The following CPEB3 variants were observed in gnomAD, a reference collection of about 807,000 sequenced individuals.
The protein encoded by CPEB3 is cytoplasmic polyadenylation element binding protein 3, also known as cytoplasmic polyadenylation element-binding protein 3.
In CPEB3, 20 loss-of-function variants were observed where a neutral mutation model predicts 67.2. The observed-to-expected ratio is 0.30, with a 90% CI of 0.21 to 0.43. CPEB3 has a LOEUF of 0.43. Ranked by LOEUF, CPEB3 falls within the 20% of genes least tolerant of loss-of-function variation. CPEB3 has a pLI of 1.00. For missense variants in CPEB3, 746 were observed against 968.6 expected, an observed-to-expected ratio of 0.77 and a Z score of 3.05; for synonymous variants, 376 against 393.1, an observed-to-expected ratio of 0.96 and a Z score of 0.51.
chr10:92,078,652 G>C (rs1052927121), intron 9 of CPEB3, among the ~76,000 whole-genome samples: 1 of 152,172 alleles, frequency 6.6e-6, no homozygotes, highest in Non-Finnish European at 1.5e-5. Flanking sequence ...ATTATAGCAA[G>C]CAGAAAAGTC....
chr10:92,269,589 G>A (rs1419072868), intron 1 of CPEB3, among the ~76,000 whole-genome samples: 1 of 151,990 alleles, frequency 6.6e-6, no homozygotes, highest in Non-Finnish European at 1.5e-5. Flanking sequence ...ATGGAGTCTC[G>A]TTCTGTCACC....
chr10:92,097,595 T>C (rs978229776), intron 7 of CPEB3, among the ~76,000 whole-genome samples: 2 of 152,154 alleles, frequency 1.3e-5, no homozygotes, highest in African/African-American at 2.4e-5. Context: ...CAGTGCTGAG[T>C]GGTATAAATA....
At chr10:92,152,974 C>A (rs1424087311) in intron 4 of CPEB3, among the ~76,000 whole-genome samples, 1 of 152,126 alleles carries the variant, frequency 6.6e-6, no homozygotes, top group East Asian at 1.9e-4. Flanking sequence ...TTTCTTTTGG[C>A]CCCTCCCAGA....
At chr10:92,238,589 T>C (rs899194382) in intron 2 of CPEB3, among the ~76,000 whole-genome samples, 6 of 150,266 alleles carry the variant, frequency 4.0e-5, no homozygotes, top group African/African-American at 7.4e-5. Flanking sequence ...CATTGCAATA[T>C]GGCTCTGAAG....
chr10:92,095,956 A>T (rs1251858021), intron 7 of CPEB3, among the ~76,000 whole-genome samples: 1 of 151,472 alleles, frequency 6.6e-6, no homozygotes, highest in Non-Finnish European at 1.5e-5. Flanking sequence ...GTCCACTGAA[A>T]CCTCCACCTC....
intron 9 of CPEB3, among the ~76,000 whole-genome samples, chr10:92,057,434 A>G (rs1842154247): frequency 6.6e-6 from 1 of 152,222 alleles, no homozygotes. Flanking sequence ...TCACAATACA[A>G]TAGAATACCA....
intron 1 of CPEB3, among the ~76,000 whole-genome samples, chr10:92,279,561 A>G (rs948392563): frequency 2.0e-5 from 3 of 152,192 alleles, no homozygotes; most frequent in Non-Finnish European, 4.4e-5. Flanking sequence ...CCAACAGAAG[A>G]TCTGCTATTG....
intron 6 of CPEB3, among the ~76,000 whole-genome samples, chr10:92,133,052 C>A (rs528363864): frequency 4.6e-5 from 7 of 151,994 alleles, no homozygotes; most frequent in South Asian, 2.1e-4. Context: ...CTAAATGCCC[C>A]CAAGAGAAAG....
chr10:92,209,030 CACTT>C, intron 2 of CPEB3, among the ~76,000 whole-genome samples: 1 of 152,292 alleles, frequency 6.6e-6, no homozygotes, highest in South Asian at 2.1e-4. Flanking sequence ...GACTATGCCT[CACTT>C]AATCTTTTTA....
At chr10:92,132,259 T>C (rs1199325794) in intron 6 of CPEB3, among the ~76,000 whole-genome samples, 1 of 151,962 alleles carries the variant, frequency 6.6e-6, no homozygotes, top group Admixed American at 6.6e-5. Flanking sequence ...AGAACGCAAA[T>C]CGATGAGGAA....
chr10:92,235,430 G>A (rs1254629068), intron 2 of CPEB3, among the ~76,000 whole-genome samples: 1 of 151,484 alleles, frequency 6.6e-6, no homozygotes, highest in African/African-American at 2.4e-5. Flanking sequence ...GGGTGACAGG[G>A]TGAGACATTG....
At chr10:92,057,147 C>T (rs1016028310) in intron 9 of CPEB3, among the ~76,000 whole-genome samples, 3 of 152,176 alleles carry the variant, frequency 2.0e-5, no homozygotes, top group African/African-American at 7.2e-5. Context: ...GGGTAGAGCA[C>T]TGGGCAGCCT....
intron 1 of CPEB3, among the ~76,000 whole-genome samples, chr10:92,246,789 T>C (rs973463736): frequency 5.3e-5 from 8 of 152,130 alleles, no homozygotes; most frequent in Non-Finnish European, 1.2e-4. Flanking sequence ...ATTACAGGCA[T>C]AAGCCACCAC....
chr10:92,060,265 A>G (rs980232098), intron 9 of CPEB3, among the ~76,000 whole-genome samples: 34 of 152,200 alleles, frequency 2.2e-4, no homozygotes, highest in African/African-American at 8.2e-4. Flanking sequence ...AGACTGAGGC[A>G]TGAGAATCCA....
intron 1 of CPEB3, among the ~76,000 whole-genome samples, chr10:92,290,122 C>T (rs958720794): frequency 3.3e-5 from 5 of 152,066 alleles, no homozygotes; most frequent in Middle Eastern, 3.4e-3. Context: ...TTTAAAAACA[C>T]ATTTTCATTT....
intron 1 of CPEB3, among the ~76,000 whole-genome samples, chr10:92,289,849 T>C (rs975240691): frequency 8.1e-6 from 1 of 123,860 alleles, no homozygotes; most frequent in Non-Finnish European, 1.5e-5. Context: ...AATACAAATA[T>C]ATATAAAATA....
At chr10:92,217,954 CA>C (rs1485740711) in intron 2 of CPEB3, among the ~76,000 whole-genome samples, 1 of 151,956 alleles carries the variant, frequency 6.6e-6, no homozygotes, top group Admixed American at 6.6e-5. Context: ...CCCGTTTCTA[CA>C]AAAAATTATC....
intron 9 of CPEB3, among the ~76,000 whole-genome samples, chr10:92,073,056 T>C (rs1842810213): frequency 6.9e-6 from 1 of 144,678 alleles, no homozygotes; most frequent in Non-Finnish European, 1.5e-5. Flanking sequence ...TTTTTTTTTT[T>C]TTTTTTTTTG....
intron 6 of CPEB3, among the ~76,000 whole-genome samples, chr10:92,123,486 CA>C (rs1369877957): frequency 6.6e-6 from 1 of 152,192 alleles, no homozygotes; most frequent in Non-Finnish European, 1.5e-5. Flanking sequence ...CTTAACAACC[CA>C]ACGAGTAGTA....
Sources: allele counts gnomAD v4.1 joint callset (sites outside exome capture counted in the v4.1 genomes callset), GRCh38; gene constraint gnomAD v4.1.1; transcripts MANE v1.5; gene names NCBI Gene and HGNC (gene_info 2026-07-23, HGNC 2026-07-21).